The following TMPRSS15 variants were observed in gnomAD, a reference collection of about 807,000 sequenced individuals.
TMPRSS15 encodes the protein enteropeptidase.
In TMPRSS15, 128 loss-of-function variants were observed where a neutral mutation model predicts 125.3. The ratio of observed to expected loss-of-function variants is 1.02; its 90% CI spans 0.89 to 1.18. The LOEUF (loss-of-function observed/expected upper bound fraction) is 1.18, where lower values mean the gene tolerates loss of function less well. Ranked by LOEUF, TMPRSS15 falls within the 50% of genes most tolerant of loss-of-function variation. The pLI, the probability that TMPRSS15 is intolerant of heterozygous loss-of-function variation, is 0.00. For missense variants in TMPRSS15, 1,283 were observed against 1,212.7 expected (o/e 1.06, Z -0.86); for synonymous variants, 446 against 423.2 (o/e 1.05, Z -0.66).
chr21:18,456,727 T>C (rs1427394850), intron 1 of TMPRSS15, among the ~76,000 whole-genome samples: 1 of 152,132 alleles, frequency 6.6e-6, no homozygotes, highest in Non-Finnish European at 1.5e-5. Flanking sequence ...GTAGTGCTAC[T>C]ACTGATTATA....
chr21:18,295,364 G>A lies in TMPRSS15; in HGVS notation c.2262-712C>T, dbSNP rs17002532. On this transcript the variant is annotated intron_variant, in intron 19 of 24. Coordinates refer to ENST00000284885, the MANE Select transcript of TMPRSS15 (RefSeq NM_002772.3). ...TATACTTATCAGCCACTAGAGATCAGTATAACACAAGAAATTAGAGTACTT... is the reference window on the plus strand; with the variant it reads ...TATACTTATCAGCCACTAGAGATCAATATAACACAAGAAATTAGAGTACTT... Among the ~76,000 whole-genome samples, 1,161 of 152,288 alleles carry A rather than the reference G, an allele frequency of 7.6e-3. 11 individuals are homozygous for A. Among genetic ancestry groups the A allele is most frequent in the African/African-American group, 0.025 (1,040 of 41,560 alleles).
chr21:18,332,116 T>C lies in TMPRSS15; in HGVS notation c.1622A>G (p.Asn541Ser), dbSNP rs61735770. 2 of 1,614,076 alleles carry C rather than the reference T, an allele frequency of 1.2e-6. No homozygotes were observed. Residue 541 changes from asparagine (N) to serine (S), a missense_variant, in exon 14 of 25, where the codon AAC becomes AGC. By Grantham distance (46) the Asn-to-Ser change is conservative (BLOSUM62 1). Coordinates refer to ENST00000284885, the MANE Select transcript of TMPRSS15 (RefSeq NM_002772.3). Reference protein sequence around the residue: ...WEPNTTFSSTNFPNSYPNLAF... With the variant: ...WEPNTTFSSTSFPNSYPNLAF... ...CAGATTAGGGTAGCTGTTTGGAAAG[T>C]TCGTAGAACTGAATGTTGTATTTGG...
chr21:18,366,894 T>G (rs954257044), intron 6 of TMPRSS15, among the ~76,000 whole-genome samples: 4 of 152,124 alleles, frequency 2.6e-5, no homozygotes, highest in African/African-American at 4.8e-5. Context: ...AAAGTGATTC[T>G]ATCAAATTAC....
chr21:18,305,257 C>T (rs1354471876), intron 18 of TMPRSS15, among the ~76,000 whole-genome samples: 4 of 134,118 alleles, frequency 3.0e-5, no homozygotes, highest in African/African-American at 8.3e-5. Context: ...GGCGCGATCT[C>T]GGCTCACTGC....
intron 1 of TMPRSS15, among the ~76,000 whole-genome samples, chr21:18,442,916 T>C (rs535358331): frequency 6.6e-6 from 1 of 152,296 alleles, no homozygotes; most frequent in African/African-American, 2.4e-5. Context: ...ATACATAGAG[T>C]TAATCACCAA....
chr21:18,341,584 C>A (rs752336144), intron 12 of TMPRSS15, 36 bp from the exon 13 acceptor site: 2 of 1,609,978 alleles, frequency 1.2e-6, no homozygotes, highest in Non-Finnish European at 1.7e-6. Flanking sequence ...CGATTTGATT[C>A]CATTCTAATC....
intron 12 of TMPRSS15, among the ~76,000 whole-genome samples, chr21:18,342,605 C>G (rs1021831086): frequency 1.3e-5 from 2 of 152,222 alleles, no homozygotes; most frequent in African/African-American, 4.8e-5. Flanking sequence ...ACTTCCCCTT[C>G]TGCTGTCTCT....
intron 1 of TMPRSS15, among the ~76,000 whole-genome samples, chr21:18,441,310 C>CAAAA (rs1377105625): frequency 4.0e-5 from 6 of 148,820 alleles, no homozygotes; most frequent in African/African-American, 1.5e-4. Context: ...CAAAACAAAA[C>CAAAA]CAAAAAAACA....
chr21:18,272,286 T>C (rs745867697), intron 24 of TMPRSS15, among the ~76,000 whole-genome samples: 1 of 152,194 alleles, frequency 6.6e-6, no homozygotes, highest in African/African-American at 2.4e-5. Context: ...TATCTCATTG[T>C]GGTTTTGATT....
chr21:18,355,185 C>T (rs1314999767), intron 8 of TMPRSS15, among the ~76,000 whole-genome samples: 2 of 151,844 alleles, frequency 1.3e-5, no homozygotes, highest in Non-Finnish European at 2.9e-5. Flanking sequence ...GTGTTAGTCA[C>T]TTAAGGGATG....
At chr21:18,332,509 T>C (rs139872029) in intron 13 of TMPRSS15, among the ~76,000 whole-genome samples, 22 of 152,270 alleles carry the variant, frequency 1.4e-4, no homozygotes, top group African/African-American at 4.8e-4. Flanking sequence ...AGAAGCTGGA[T>C]ATTGGATCTT....
chr21:18,297,663 G>T, intron 19 of TMPRSS15, 71 bp downstream of exon 19: 1 of 1,144,850 alleles, frequency 8.7e-7, no homozygotes, highest in South Asian at 1.2e-5. Flanking sequence ...ATTCAAATCT[G>T]ACTGGCTTCA....
intron 7 of TMPRSS15, among the ~76,000 whole-genome samples, chr21:18,361,612 CAG>C (rs1280194780): frequency 6.6e-6 from 1 of 152,114 alleles, no homozygotes; most frequent in East Asian, 1.9e-4. Flanking sequence ...ACATTCTTCA[CAG>C]AGTTAGTTAA....
At chr21:18,279,311 C>CCT (rs2074662155) in intron 22 of TMPRSS15, among the ~76,000 whole-genome samples, 1 of 41,094 alleles carries the variant, frequency 2.4e-5, no homozygotes, top group African/African-American at 7.3e-5. Flanking sequence ...CCTCGTTACT[C>CCT]TTTTTTTTTT....
In TMPRSS15 at chr21:18,326,442, C is replaced by T; in HGVS notation, c.1911G>A (p.Leu637=). 1.9e-6 allele frequency: 3 copies of T among 1,614,108 alleles called. No individual in the cohort carries two copies. The South Asian group carries it at 3.3e-5, about 18-fold the overall frequency. Residue 637 remains leucine (L), a synonymous_variant, in exon 16 of 25, where the codon TTG becomes TTA. Transcript: ENST00000284885. Reference sequence around the variant, plus strand: ...TTTATGGGCTCCTACCTGGAATCCCCAAGTGATAGCCAGTAGTAAAGTTTG... The same window carrying T: ...TTTATGGGCTCCTACCTGGAATCCCTAAGTGATAGCCAGTAGTAAAGTTTG... ...FKANFTTGYH[L]GIPEPCKADH...
chr21:18,426,478 A>G (rs1025350970), intron 1 of TMPRSS15, among the ~76,000 whole-genome samples: 2 of 152,208 alleles, frequency 1.3e-5, no homozygotes, highest in African/African-American at 4.8e-5. Context: ...TTAAAACTTC[A>G]TGATATGTCA....
chr21:18,479,239 A>T (rs1978935627), intron 1 of TMPRSS15, among the ~76,000 whole-genome samples: 1 of 151,932 alleles, frequency 6.6e-6, no homozygotes, highest in African/African-American at 2.4e-5. Context: ...TTCCTATATG[A>T]TTGGAATCTA....
Position 18,465,345 on chromosome 21 carries a change from C to T in TMPRSS15, c.10+20454G>A, listed in dbSNP as rs2122955399. 9.2e-5 allele frequency among the ~76,000 whole-genome samples: 14 copies of T among 152,134 alleles called. No homozygotes were observed. In the East Asian group the frequency reaches 9.7e-4, roughly 10 times the overall value. ...AGCTGGAAGTATTCCCTTTGAAAACCGGCACAAGACAGGGATGCCCTCTCT... is the reference window on the plus strand; with the variant it reads ...AGCTGGAAGTATTCCCTTTGAAAACTGGCACAAGACAGGGATGCCCTCTCT... On this transcript the variant is annotated intron_variant, in intron 1 of 7. Coordinates refer to the TMPRSS15 transcript ENST00000422787.
chr21:18,364,650 T>C (rs1318439168), intron 7 of TMPRSS15, among the ~76,000 whole-genome samples: 1 of 152,152 alleles, frequency 6.6e-6, no homozygotes, highest in South Asian at 2.1e-4. Flanking sequence ...GTGAAATACA[T>C]ATTGACTGAT....
Sources: allele counts gnomAD v4.1 joint callset (sites outside exome capture counted in the v4.1 genomes callset), GRCh38; gene constraint gnomAD v4.1.1; transcripts MANE v1.5; gene names NCBI Gene and HGNC (gene_info 2026-07-23, HGNC 2026-07-21).